IL12RB1: variants seen among roughly 807,000 people sequenced by gnomAD.
The protein encoded by IL12RB1 is interleukin 12 receptor subunit beta 1.
In IL12RB1, 64 loss-of-function variants were observed where a neutral mutation model predicts 94.4. The observed-to-expected ratio is 0.68, with a 90% CI of 0.55 to 0.83. IL12RB1 has a LOEUF of 0.83. IL12RB1 is among the 40% of genes least tolerant of loss of function. The pLI is 0.00. For missense variants in IL12RB1, 814 were observed against 855.6 expected, an observed-to-expected ratio of 0.95 and a Z score of 0.61; for synonymous variants, 362 against 355.5, an observed-to-expected ratio of 1.02 and a Z score of -0.21.
chr19:18,087,738 T>C (rs2036433986), upstream of IL12RB1, among the ~76,000 whole-genome samples: 1 of 151,118 alleles, frequency 6.6e-6, no homozygotes, highest in African/African-American at 2.4e-5. Context: ...CCCAGGCTGG[T>C]CTCAAACTCC....
In IL12RB1 at chr19:18,073,615, A is replaced by G. The variant is rs1358043905; in HGVS notation, c.701-16T>C. 1 of 1,504,486 alleles carries G rather than the reference A, an allele frequency of 6.6e-7. No homozygotes were observed. Among genetic ancestry groups the G allele is most frequent in the Admixed American group, 1.7e-5 (1 of 59,694 alleles). 93.2% of individuals were successfully genotyped at this position (1,504,486 alleles called of 1,614,324 possible). On this transcript the variant is annotated splice_polypyrimidine_tract_variant and intron_variant, in intron 7 of 16. Transcript: ENST00000593993. Reference sequence around the variant, plus strand: ...GGGGGGTTTTCTGCAATCAGAACCAAACCAACTAGACGAATTGGAAGGAGA... The same window carrying G: ...GGGGGGTTTTCTGCAATCAGAACCAGACCAACTAGACGAATTGGAAGGAGA...
At position 18,069,707 on chromosome 19, in the gene IL12RB1, A is replaced by G. The variant is rs373087637; in HGVS notation, c.1028T>C (p.Val343Ala). 6.2e-7 allele frequency: 1 copy of G among 1,610,870 alleles called. No homozygotes were observed. The highest frequency in any genetic ancestry group is 2.2e-5 in the East Asian group (1 of 44,870). The change falls in exon 10 of 17, where the codon GTG (valine) becomes GCG (alanine). Residue 343 changes from valine to alanine, a missense_variant. Val to Ala is a moderately conservative substitution (Grantham distance 64). Transcript: ENST00000593993. The part of the protein sequence containing the change: ...HIPADTHTEP[V>A]ALNISVGTNG... ...GGTTCCGACGCTGATATTCAGAGCCACTGGTTCTGGAAGGAGAGGGGAGAG... is the reference window on the plus strand; with the variant it reads ...GGTTCCGACGCTGATATTCAGAGCCGCTGGTTCTGGAAGGAGAGGGGAGAG...
chr19:18,063,737 T>C, intron 13 of IL12RB1, 139 bp downstream of exon 13: 1 of 736,392 alleles, frequency 1.4e-6, no homozygotes, highest in Non-Finnish European at 2.1e-6. Context: ...ATGGGAGCAG[T>C]TTGAGCTGCT....
Position 18,062,270 on chromosome 19 carries a change from C to T in IL12RB1, c.1626G>A (p.Gln542=). The change falls in exon 14 of 17, where the codon CAG becomes CAA. Residue 542 remains glutamine (Q), a synonymous_variant. Transcript: ENST00000593993. ...SQPQRFSIEV[Q]VSDWLIFFAS... is the part of the protein sequence containing the mutation. The stretch of plus-strand genomic sequence containing the variant: ...CGAAGAAGATGAGCCAATCAGAAAC[C>T]TGCACTTCTGAGGTGGGAGAGCGTG... 6.2e-7 allele frequency: 1 copy of T among 1,609,382 alleles called. No homozygotes were observed. Among genetic ancestry groups the T allele is most frequent in the Non-Finnish European group, 8.5e-7 (1 of 1,176,560 alleles).
intron 1 of IL12RB1, among the ~76,000 whole-genome samples, chr19:18,084,010 CCCATCCAT>C (rs55727878): frequency 2.1e-5 from 3 of 140,002 alleles, no homozygotes; most frequent in Non-Finnish European, 3.1e-5. Context: ...CACCCATCTA[CCCATCCAT>C]CCATCCATCC....
At chr19:18,080,201 A>G (rs1203857081) in intron 4 of IL12RB1, among the ~76,000 whole-genome samples, 2 of 151,668 alleles carry the variant, frequency 1.3e-5, no homozygotes, top group Non-Finnish European at 2.9e-5. Context: ...GATTGCAGGC[A>G]TGCACCACCA....
Position 18,086,469 on chromosome 19 carries a change from A to G in IL12RB1, c.64+291T>C, listed in dbSNP as rs569631320. Among the ~76,000 whole-genome samples the G allele has an allele frequency of 4.3e-4, 65 of 152,244 alleles. No homozygotes were observed. In the South Asian group the frequency reaches 0.011, roughly 27 times the overall value. Reference sequence around the variant, plus strand: ...ACATACATAAGATACTATACTATGTATACCTATTAGATACATACTTGCTTT... The same window carrying G: ...ACATACATAAGATACTATACTATGTGTACCTATTAGATACATACTTGCTTT... On this transcript the variant is annotated intron_variant, in intron 1 of 16. Transcript: ENST00000593993.
At chr19:18,073,085 G>A (rs191221145) in intron 8 of IL12RB1, among the ~76,000 whole-genome samples, 1 of 152,182 alleles carries the variant, frequency 6.6e-6, no homozygotes, top group East Asian at 1.9e-4. Context: ...AAGTCAACGA[G>A]TGGAGTATTT....
At chr19:18,061,618 C>T (rs2034130539) in intron 14 of IL12RB1, among the ~76,000 whole-genome samples, 1 of 152,042 alleles carries the variant, frequency 6.6e-6, no homozygotes, top group African/African-American at 2.4e-5. Flanking sequence ...CTATCCCTTC[C>T]CTAGAAATTT....
At chr19:18,095,708 A>G (rs1183873288) in intron 1 of IL12RB1, among the ~76,000 whole-genome samples, 1 of 152,200 alleles carries the variant, frequency 6.6e-6, no homozygotes, top group Non-Finnish European at 1.5e-5. Flanking sequence ...TTAAAATTGT[A>G]TGAGAAAAAC....
Position 18,077,684 on chromosome 19 carries a change from G to T in IL12RB1, c.410-29C>A, listed in dbSNP as rs183792325. On this transcript the variant is annotated intron_variant, in intron 4 of 16. Transcript: ENST00000593993. ...GAAGCAGAGGTAGGGATTGGCGAGG[G>T]GCAGCCCACACGTATGTGAGTTAAT... is the stretch of plus-strand genomic sequence containing the variant. The T allele has an allele frequency of 1.3e-5, 20 of 1,483,514 alleles. No individual in the cohort carries two copies. The African/African-American group carries it at 2.6e-4, about 19-fold the overall frequency. 91.9% of individuals were successfully genotyped at this position (1,483,514 alleles called of 1,614,324 possible). A position where few individuals can be genotyped will look rare whatever the true frequency, so the allele number is the denominator to read the frequency against.
In IL12RB1 at chr19:18,082,183, G is replaced by A. The variant is rs756580080; in HGVS notation, c.206C>T (p.Pro69Leu). 13 of 1,613,352 alleles carry A rather than the reference G, an allele frequency of 8.1e-6. No homozygotes were observed. In the South Asian group the frequency reaches 1.4e-4, roughly 18 times the overall value. ...CAGGAAGTGGCTGACCCCAGCTGTGGGACCCTCATACTGCCAGGAGCACTC... is the reference window on the plus strand; with the variant it reads ...CAGGAAGTGGCTGACCCCAGCTGTGAGACCCTCATACTGCCAGGAGCACTC... The part of the protein sequence containing the change: ...RYECSWQYEG[P>L]TAGVSHFLRC... The change falls in exon 3 of 17, where the codon CCC becomes CTC. Residue 69 changes from proline (P) to leucine (L), a missense_variant. Physicochemically the swap from Pro to Leu is moderately conservative, Grantham distance 98 (BLOSUM62 -3). Transcript: ENST00000593993.
intron 11 of IL12RB1, among the ~76,000 whole-genome samples, 181 bp from the exon 12 acceptor site, chr19:18,066,878 T>A (rs1382885215): frequency 2.0e-5 from 3 of 151,788 alleles, no homozygotes; most frequent in African/African-American, 7.3e-5. Flanking sequence ...AATACAAAAA[T>A]TAGCCAGGCA....
In IL12RB1 at chr19:18,071,342, A is replaced by G. The variant is rs538055889; in HGVS notation, c.1021+770T>C. On this transcript the variant is annotated intron_variant, in intron 9 of 16. Coordinates refer to ENST00000593993, the MANE Select transcript of IL12RB1 (RefSeq NM_005535.3). ...AGCTGAGATCATGCCATCTGTCACA[A>G]GAAAAAAAAGAAATTAGATCTTAAA... 4.3e-4 allele frequency: 400 copies of G among 926,444 alleles called. 3 individuals carry two copies. The South Asian group carries it at 5.2e-3, about 12-fold the overall frequency. The allele number at this position is 926,444 out of a possible 1,614,324, so 57.4% of individuals were successfully genotyped here. A position where few individuals can be genotyped will look rare whatever the true frequency, so the allele number is the denominator to read the frequency against.
intron 4 of IL12RB1, among the ~76,000 whole-genome samples, chr19:18,079,705 C>G (rs982807791): frequency 6.6e-6 from 1 of 151,102 alleles, no homozygotes; most frequent in Non-Finnish European, 1.5e-5. Flanking sequence ...GTCAGGAGAT[C>G]GAGACCACGG....
chr19:18,069,653 C>T lies in IL12RB1; in HGVS notation c.1082G>A (p.Arg361Gln), dbSNP rs774168858. Residue 361 changes from arginine (R) to glutamine (Q), a missense_variant, in exon 10 of 17, where the codon CGG (arginine) becomes CAG (glutamine). Coordinates refer to ENST00000593993, the MANE Select transcript of IL12RB1 (RefSeq NM_005535.3). Reference protein sequence around the residue: ...TNGTTMYWPARAQSMTYCIEW... With the variant: ...TNGTTMYWPAQAQSMTYCIEW... ...AATGCAATACGTCATGCTCTGAGCCCGGGCTGGCCAATACATGGTGGTCCC... is the reference window on the plus strand; with the variant it reads ...AATGCAATACGTCATGCTCTGAGCCTGGGCTGGCCAATACATGGTGGTCCC... 62 of 1,613,136 alleles carry T rather than the reference C, an allele frequency of 3.8e-5. No individual in the cohort carries two copies. The highest frequency in any genetic ancestry group is 1.6e-4 in the Middle Eastern group (1 of 6,080).
At chr19:18,097,155 GT>G (rs1355729031) in intron 1 of IL12RB1, among the ~76,000 whole-genome samples, 1 of 152,014 alleles carries the variant, frequency 6.6e-6, no homozygotes, top group African/African-American at 2.4e-5. Context: ...TCTGCTGTGT[GT>G]ACTGGGCACA....
chr19:18,068,731 C>G (rs969736401), intron 10 of IL12RB1, among the ~76,000 whole-genome samples: 2 of 148,406 alleles, frequency 1.3e-5, no homozygotes, highest in Non-Finnish European at 3.0e-5. Context: ...CCAGCCCTTA[C>G]TCCATGGAAC....
intron 10 of IL12RB1, among the ~76,000 whole-genome samples, chr19:18,069,239 G>A (rs1014351131): frequency 1.3e-5 from 2 of 152,146 alleles, no homozygotes; most frequent in African/African-American, 2.4e-5. Context: ...CCAGCATCTC[G>A]CGAACTGCCA....
Sources: allele counts gnomAD v4.1 joint callset (sites outside exome capture counted in the v4.1 genomes callset), GRCh38; gene constraint gnomAD v4.1.1; transcripts MANE v1.5; gene names NCBI Gene and HGNC (gene_info 2026-07-23, HGNC 2026-07-21).